The following ODAD2 variants were observed in gnomAD, a reference collection of about 807,000 sequenced individuals.
The protein encoded by ODAD2 is outer dynein arm-docking complex subunit 2.
In ODAD2, 89 loss-of-function variants were observed where a neutral mutation model predicts 106.8. The ratio of observed to expected loss-of-function variants is 0.83; its 90% confidence interval spans 0.70 to 0.99. The LOEUF (loss-of-function observed/expected upper bound fraction) is 0.99, where lower values mean the gene tolerates loss of function less well. ODAD2 is among the 50% of genes least tolerant of loss of function. The probability of loss-of-function intolerance (pLI) is 0.00; values close to 1 mark genes in which losing one functional copy is unlikely to be tolerated. For missense variants in ODAD2, 1,168 were observed against 1,238.5 expected (o/e 0.94, Z 0.85); for synonymous variants, 404 against 436.2 (o/e 0.93, Z 0.92).
At chr10:27,921,598 G>T (rs1257655595) in intron 16 of ODAD2, among the ~76,000 whole-genome samples, 1 of 150,788 alleles carries the variant, frequency 6.6e-6, no homozygotes, top group African/African-American at 2.4e-5. Context: ...ATATATAAAT[G>T]GATTTTTTTT....
chr10:27,979,603 A>G (rs549353944), intron 7 of ODAD2, among the ~76,000 whole-genome samples: 13 of 152,282 alleles, frequency 8.5e-5, no homozygotes, highest in African/African-American at 3.1e-4. Flanking sequence ...AAAATTTAGA[A>G]AACAATTTCA....
chr10:27,914,203 T>A (rs1844206427), intron 16 of ODAD2, among the ~76,000 whole-genome samples: 1 of 152,142 alleles, frequency 6.6e-6, no homozygotes. Context: ...TTATATCCCA[T>A]GCATTGAAAC....
rs904794054 is a variant in ODAD2 at position 27,846,935 on chromosome 10, C to G, written c.3021+13690G>C. 7.2e-5 allele frequency among the ~76,000 whole-genome samples: 11 copies of G among 152,222 alleles called. No homozygotes were observed. In the East Asian group the frequency reaches 2.1e-3, roughly 29 times the overall value. ...CTGAAATTGAGGCAACAATTAATAG[C>G]CTACCAACCAAAAAAATTCCAGGAT... On this transcript the variant is annotated intron_variant, in intron 19 of 19. Coordinates refer to ENST00000305242, the MANE Select transcript of ODAD2 (RefSeq NM_018076.5).
chr10:27,860,549 T>C, intron 19 of ODAD2, 76 bp downstream of exon 19: 2 of 1,389,318 alleles, frequency 1.4e-6, no homozygotes, highest in Non-Finnish European at 2.0e-6. Context: ...TTTAGAGAAA[T>C]CTTAGTGATG....
At chr10:27,907,577 G>T in intron 17 of ODAD2, 86 bp downstream of exon 17, 1 of 858,158 alleles carries the variant, frequency 1.2e-6, no homozygotes, top group Non-Finnish European at 1.8e-6. Context: ...CTTACAATAA[G>T]TCAAAAGCAA....
chr10:27,961,412 A>T (rs1848131431), intron 10 of ODAD2, among the ~76,000 whole-genome samples, 156 bp downstream of exon 10: 1 of 152,202 alleles, frequency 6.6e-6, no homozygotes, highest in South Asian at 2.1e-4. Context: ...CCTCAGGGTA[A>T]TAAGACCTTG....
intron 16 of ODAD2, among the ~76,000 whole-genome samples, chr10:27,921,973 C>T (rs967773812): frequency 6.0e-5 from 9 of 151,164 alleles, no homozygotes; most frequent in Non-Finnish European, 1.2e-4. Flanking sequence ...TCGAGACCCA[C>T]GTGGGCAACA....
chr10:27,848,994 T>C (rs891019913), intron 19 of ODAD2, among the ~76,000 whole-genome samples: 35 of 152,296 alleles, frequency 2.3e-4, no homozygotes, highest in Non-Finnish European at 4.4e-4. Context: ...GACAGTGTGG[T>C]GATTCCTCAA....
chr10:27,920,347 C>T (rs928541215), intron 16 of ODAD2, among the ~76,000 whole-genome samples: 3 of 152,150 alleles, frequency 2.0e-5, no homozygotes, highest in Non-Finnish European at 4.4e-5. Flanking sequence ...CACGTATGCG[C>T]TCTCACAGTA....
At chr10:27,950,896 G>A (rs914109133) in intron 10 of ODAD2, among the ~76,000 whole-genome samples, 1 of 152,068 alleles carries the variant, frequency 6.6e-6, no homozygotes, top group Non-Finnish European at 1.5e-5. Flanking sequence ...GAATAATTAT[G>A]ATAATTAATT....
chr10:27,954,869 C>T (rs768154690), intron 10 of ODAD2, among the ~76,000 whole-genome samples: 2 of 152,156 alleles, frequency 1.3e-5, no homozygotes, highest in African/African-American at 2.4e-5. Flanking sequence ...CACACATTAC[C>T]AGTAATCCAA....
At chr10:27,859,617 C>A (rs763436066) in intron 19 of ODAD2, among the ~76,000 whole-genome samples, 60 of 152,054 alleles carry the variant, frequency 3.9e-4, no homozygotes, top group South Asian at 8.3e-4. Flanking sequence ...GTCATAGGCT[C>A]CAAATGAAGG....
chr10:27,995,521 A>G (rs1025243737), intron 1 of ODAD2: 14 of 190,782 alleles, frequency 7.3e-5, no homozygotes, highest in African/African-American at 3.0e-4. Flanking sequence ...AGAGGTTTAT[A>G]TTAAGGGCTT....
intron 19 of ODAD2, among the ~76,000 whole-genome samples, chr10:27,858,207 C>A (rs780183115): frequency 6.6e-6 from 1 of 152,094 alleles, no homozygotes; most frequent in Non-Finnish European, 1.5e-5. Flanking sequence ...GTATGCCACA[C>A]CCACATTTTT....
intron 16 of ODAD2, among the ~76,000 whole-genome samples, chr10:27,924,356 C>T (rs910007632): frequency 3.3e-5 from 5 of 151,318 alleles, no homozygotes; most frequent in African/African-American, 1.2e-4. Context: ...AAGTACTATA[C>T]ATCAAAATTA....
At chr10:27,984,088 T>G (rs548538704) in intron 5 of ODAD2, 96 bp downstream of exon 5, 2 of 1,501,192 alleles carry the variant, frequency 1.3e-6, no homozygotes, top group Non-Finnish European at 1.8e-6. Flanking sequence ...TTTCCCCTTC[T>G]TAAACCTTCT....
chr10:27,977,011 A>G (rs951890682), intron 7 of ODAD2, among the ~76,000 whole-genome samples: 21 of 152,210 alleles, frequency 1.4e-4, no homozygotes, highest in Non-Finnish European at 2.1e-4. Flanking sequence ...ACTTTTGACA[A>G]ATGATGCTGG....
intron 19 of ODAD2, among the ~76,000 whole-genome samples, chr10:27,814,647 C>G (rs751071292): frequency 5.9e-5 from 9 of 152,198 alleles, no homozygotes; most frequent in Non-Finnish European, 1.2e-4. Context: ...TCATCATGAT[C>G]TCTTGTCCAT....
At position 27,855,789 on chromosome 10, in the gene ODAD2, C is replaced by T. The variant is rs557043988; in HGVS notation, c.3021+4836G>A. Among the ~76,000 whole-genome samples, 29 of 152,316 alleles carry T rather than the reference C, an allele frequency of 1.9e-4. No individual in the cohort carries two copies. The South Asian group carries it at 5.8e-3, about 30-fold the overall frequency. On this transcript the variant is annotated intron_variant, in intron 19 of 19. Coordinates refer to ENST00000305242, the MANE Select transcript of ODAD2 (RefSeq NM_018076.5). ...ATTCAGCAGTTCCAATTGAACTGCTCTCCACTCACTCTGCCAATGCTGGAC... is the reference window on the plus strand; with the variant it reads ...ATTCAGCAGTTCCAATTGAACTGCTTTCCACTCACTCTGCCAATGCTGGAC...
Sources: allele counts gnomAD v4.1 joint callset (sites outside exome capture counted in the v4.1 genomes callset), GRCh38; gene constraint gnomAD v4.1.1; transcripts MANE v1.5; gene names NCBI Gene and HGNC (gene_info 2026-07-23, HGNC 2026-07-21).